Variants in SLC39A11 observed in about 807,000 individuals in gnomAD.
SLC39A11 encodes the protein zinc transporter ZIP11.
Under a neutral mutation model 36.1 loss-of-function variants are expected in SLC39A11, and 33 were observed. That is an observed-to-expected ratio of 0.91 (90% CI 0.69 to 1.22). The LOEUF is 1.22. Ranked by LOEUF, SLC39A11 falls within the 50% of genes most tolerant of loss-of-function variation. SLC39A11 has a pLI of 0.00. For missense variants in SLC39A11, 432 were observed against 430.3 expected (o/e 1.00, Z -0.03); for synonymous variants, 166 against 170.3 (o/e 0.97, Z 0.20).
chr17:72,767,243 T>C (rs1257087271), intron 6 of SLC39A11, among the ~76,000 whole-genome samples: 1 of 152,254 alleles, frequency 6.6e-6, no homozygotes, highest in Non-Finnish European at 1.5e-5. Context: ...TTGTAGTATT[T>C]TGTTTTGCTG....
At chr17:72,904,143 T>C (rs1037823603) in intron 5 of SLC39A11, among the ~76,000 whole-genome samples, 4 of 152,078 alleles carry the variant, frequency 2.6e-5, no homozygotes, top group East Asian at 3.9e-4. Context: ...TCAAAAGCGG[T>C]GAGCCCAAGC....
chr17:73,060,486 T>C (rs1297233806), intron 3 of SLC39A11, among the ~76,000 whole-genome samples: 1 of 152,200 alleles, frequency 6.6e-6, no homozygotes, highest in African/African-American at 2.4e-5. Context: ...GACTATTATT[T>C]CATAGTTACT....
chr17:72,811,181 C>T (rs2145398476), intron 6 of SLC39A11, among the ~76,000 whole-genome samples: 1 of 152,208 alleles, frequency 6.6e-6, no homozygotes. Flanking sequence ...ATTCATGGCA[C>T]CAGCAGATTC....
chr17:73,043,269 T>C (rs2059168006), intron 3 of SLC39A11, among the ~76,000 whole-genome samples: 1 of 152,138 alleles, frequency 6.6e-6, no homozygotes, highest in African/African-American at 2.4e-5. Flanking sequence ...GCTTATGTTG[T>C]GGAGTCCACA....
At chr17:72,810,095 AAAAAG>A (rs570237256) in intron 6 of SLC39A11, among the ~76,000 whole-genome samples, 2,102 of 151,834 alleles carry the variant, frequency 0.014, 17 homozygotes, top group Middle Eastern at 0.031. Context: ...AAAAAAAAAA[AAAAAG>A]AAAAGAAAAT....
chr17:73,084,200 G>C (rs1218738672), intron 3 of SLC39A11, among the ~76,000 whole-genome samples: 2 of 151,982 alleles, frequency 1.3e-5, no homozygotes, highest in Non-Finnish European at 2.9e-5. Context: ...CACTTTTGGA[G>C]GCCTAGGCAG....
chr17:72,657,404 A>G (rs578192981), intron 7 of SLC39A11, among the ~76,000 whole-genome samples: 2 of 152,204 alleles, frequency 1.3e-5, no homozygotes, highest in Non-Finnish European at 2.9e-5. Flanking sequence ...ATAAATAAAA[A>G]TAAACATCAA....
intron 5 of SLC39A11, among the ~76,000 whole-genome samples, chr17:72,895,502 C>T (rs2146807086): frequency 6.6e-6 from 1 of 152,028 alleles, no homozygotes; most frequent in Admixed American, 6.5e-5. Context: ...TTGCTTGAAC[C>T]CAGGAAGCGG....
At chr17:72,886,321 G>T (rs998432376) in intron 5 of SLC39A11, among the ~76,000 whole-genome samples, 5 of 152,116 alleles carry the variant, frequency 3.3e-5, no homozygotes, top group Non-Finnish European at 5.9e-5. Flanking sequence ...CCTACTTGAC[G>T]TTACCACTTG....
At chr17:72,985,828 C>CT (rs1311641849) in intron 4 of SLC39A11, among the ~76,000 whole-genome samples, 1 of 152,104 alleles carries the variant, frequency 6.6e-6, no homozygotes, top group African/African-American at 2.4e-5. Flanking sequence ...TAAATGTGAC[C>CT]TTTTTTGCAA....
intron 6 of SLC39A11, among the ~76,000 whole-genome samples, chr17:72,809,318 C>A (rs2077364223): frequency 6.6e-6 from 1 of 151,990 alleles, no homozygotes; most frequent in African/African-American, 2.4e-5. Context: ...ACAAATTTTT[C>A]TCCTGCCGTG....
intron 3 of SLC39A11, among the ~76,000 whole-genome samples, chr17:73,061,890 G>A (rs1174270955): frequency 6.6e-6 from 1 of 152,070 alleles, no homozygotes; most frequent in Non-Finnish European, 1.5e-5. Flanking sequence ...CAGCTACTCA[G>A]GGGGCTAAGG....
chr17:72,936,278 T>G (rs1031449065), intron 5 of SLC39A11, among the ~76,000 whole-genome samples: 1 of 151,920 alleles, frequency 6.6e-6, no homozygotes, highest in Non-Finnish European at 1.5e-5. Flanking sequence ...TGAGACCAAG[T>G]TGCACATTTT....
At chr17:72,819,967 C>T (rs1351242733) in intron 6 of SLC39A11, among the ~76,000 whole-genome samples, 1 of 151,150 alleles carries the variant, frequency 6.6e-6, no homozygotes, top group Non-Finnish European at 1.5e-5. Context: ...TGTGTTCCCT[C>T]TGGGCCTCTA....
chr17:72,654,586 C>T (rs1278642049), intron 7 of SLC39A11, among the ~76,000 whole-genome samples: 2 of 152,214 alleles, frequency 1.3e-5, no homozygotes, highest in Non-Finnish European at 2.9e-5. Context: ...CCCTTCCCTG[C>T]GACTTTGTTC....
At chr17:72,700,130 A>C (rs2072539857) in intron 7 of SLC39A11, among the ~76,000 whole-genome samples, 1 of 152,214 alleles carries the variant, frequency 6.6e-6, no homozygotes, top group South Asian at 2.1e-4. Context: ...AAGGGACATG[A>C]TGCTGCTGGC....
intron 4 of SLC39A11, among the ~76,000 whole-genome samples, chr17:72,976,633 G>A (rs143190123): frequency 5.1e-4 from 78 of 152,272 alleles, no homozygotes; most frequent in African/African-American, 1.7e-3. Flanking sequence ...GGCGGATCAC[G>A]AGGTCAGGAG....
At chr17:72,899,517 T>C (rs984814006) in intron 5 of SLC39A11, among the ~76,000 whole-genome samples, 2 of 152,192 alleles carry the variant, frequency 1.3e-5, no homozygotes, top group African/African-American at 4.8e-5. Flanking sequence ...TTTCCCCTCA[T>C]TACTCTAACA....
intron 7 of SLC39A11, among the ~76,000 whole-genome samples, chr17:72,652,716 G>A (rs2069908257): frequency 6.6e-6 from 1 of 152,170 alleles, no homozygotes; most frequent in Non-Finnish European, 1.5e-5. Context: ...GACCTGGCTT[G>A]GCTGTTTTGC....
Sources: allele counts gnomAD v4.1 joint callset (sites outside exome capture counted in the v4.1 genomes callset), GRCh38; gene constraint gnomAD v4.1.1; transcripts MANE v1.5; gene names NCBI Gene and HGNC (gene_info 2026-07-23, HGNC 2026-07-21).